C18orf54: variants seen among roughly 807,000 people sequenced by gnomAD.
C18orf54 encodes the protein lung adenoma susceptibility protein 2.
C18orf54 carries 49 observed loss-of-function variants against 49.3 expected under a neutral mutation model. The ratio of observed to expected loss-of-function variants is 0.99; its 90% CI spans 0.79 to 1.26. The LOEUF (loss-of-function observed/expected upper bound fraction) is 1.26, where lower values mean the gene tolerates loss of function less well. Ranked by LOEUF, C18orf54 falls within the 50% of genes most tolerant of loss-of-function variation. C18orf54 has a pLI of 0.00. For missense variants in C18orf54, 687 were observed against 620.6 expected (o/e 1.11, Z -1.14); for synonymous variants, 211 against 216.6 (o/e 0.97, Z 0.23).
In C18orf54 at chr18:54,379,377, G is replaced by A. The variant is rs2144763179; in HGVS notation, c.*1131G>A. 1 of 152,076 alleles carries A rather than the reference G, an allele frequency of 6.6e-6. No individual in the cohort carries two copies. The highest frequency in any genetic ancestry group is 1.9e-4 in the East Asian group (1 of 5,178). 9.4% of individuals were successfully genotyped at this position (152,076 alleles called of 1,614,324 possible). A position where few individuals can be genotyped will look rare whatever the true frequency, so the allele number is the denominator to read the frequency against. On this transcript the variant is annotated 3_prime_UTR_variant, in exon 9 of 9. Coordinates refer to ENST00000620105, the MANE Select transcript of C18orf54 (RefSeq NM_001288980.2). ...CAAATGATAGCGTTTTTCCTCAGTA[G>A]ATTATTGTCAAATAGGAATTTCTAA...
Position 54,380,603 on chromosome 18 carries a change from TAAG to T in C18orf54, c.*2360_*2362del, listed in dbSNP as rs1303648127. On this transcript the variant is annotated 3_prime_UTR_variant, in exon 9 of 9. Coordinates refer to ENST00000620105, the MANE Select transcript of C18orf54 (RefSeq NM_001288980.2). ...GCTTCATAGAGATTTCTGAGCAAAT[TAAG>T]AAACACTGTTTTCCTGGGTTTGTTT... The T allele has an allele frequency of 6.6e-6, 1 of 152,090 alleles. No individual in the cohort carries two copies. Among genetic ancestry groups the T allele is most frequent in the East Asian group, 1.9e-4 (1 of 5,202 alleles). 9.4% of individuals were successfully genotyped at this position (152,090 alleles called of 1,614,324 possible).
At position 54,372,468 on chromosome 18, in the gene C18orf54, C is replaced by A. The variant is rs371851488; in HGVS notation, c.1329C>A (p.Ser443Arg). Reference protein sequence around the residue: ...LEDFLNNDNQSCTLSGGKHHG... With the variant: ...LEDFLNNDNQRCTLSGGKHHG... ...ACTATCATCTGTTTTAACCTTAGAG[C>A]TGTACTCTCTCTGGAGGCAAACATC... The change falls in exon 7 of 9, where the codon AGC becomes AGA. Residue 443 changes from serine (S) to arginine (R), a missense_variant and splice_region_variant. Ser to Arg is a moderately radical substitution (Grantham distance 110). Coordinates refer to ENST00000620105, the MANE Select transcript of C18orf54 (RefSeq NM_001288980.2). 142 of 1,603,042 alleles carry A rather than the reference C, an allele frequency of 8.9e-5. 1 individual carries two copies. Among genetic ancestry groups the A allele is most frequent in the South Asian group, 6.8e-4 (60 of 88,374 alleles).
chr18:54,372,363 A>C (rs1327607221), intron 6 of C18orf54, 103 bp from the exon 7 acceptor site: 2 of 1,098,944 alleles, frequency 1.8e-6, no homozygotes, highest in Non-Finnish European at 2.5e-6. Flanking sequence ...CATTGTTTGG[A>C]GTTTTACATT....
At chr18:54,365,611 T>A in intron 5 of C18orf54, 108 bp from the exon 6 acceptor site, 1 of 571,572 alleles carries the variant, frequency 1.7e-6, no homozygotes, top group African/African-American at 1.9e-5. Flanking sequence ...TGATGATTAT[T>A]TCTTGGTGAC....
intron 3 of C18orf54, among the ~76,000 whole-genome samples, chr18:54,361,155 A>G (rs763240402): frequency 1.3e-5 from 2 of 152,206 alleles, no homozygotes; most frequent in Non-Finnish European, 2.9e-5. Context: ...GAATAGAAAA[A>G]GTTTGTATTC....
intron 3 of C18orf54, among the ~76,000 whole-genome samples, chr18:54,361,378 T>G (rs544133404): frequency 7.2e-5 from 11 of 152,268 alleles, no homozygotes; most frequent in Admixed American, 1.3e-4. Flanking sequence ...GTCTAGATGA[T>G]GAAAGTTGAA....
At position 54,372,500 on chromosome 18, in the gene C18orf54, C is replaced by T; in HGVS notation, c.1361C>T (p.Pro454Leu). 1 of 1,610,304 alleles carries T rather than the reference C, an allele frequency of 6.2e-7. No individual in the cohort carries two copies. The highest frequency in any genetic ancestry group is 8.5e-7 in the Non-Finnish European group (1 of 1,177,672). ...CTCTCTGGAGGCAAACATCATGGTC[C>T]TGTTGAAGCCCTGAAACAAATGTTA... is the stretch of plus-strand genomic sequence containing the variant. Reference protein sequence around the residue: ...CTLSGGKHHGPVEALKQMLFN... With the variant: ...CTLSGGKHHGLVEALKQMLFN... The change falls in exon 7 of 9, where the codon CCT becomes CTT. Residue 454 changes from proline to leucine, a missense_variant. Transcript: ENST00000620105.
chr18:54,369,641 G>A (rs369553302), intron 6 of C18orf54, among the ~76,000 whole-genome samples: 3 of 151,774 alleles, frequency 2.0e-5, no homozygotes, highest in Middle Eastern at 3.4e-3. Context: ...GCTAATTTTT[G>A]TATTTTTAGT....
chr18:54,369,021 G>A (rs917270028), intron 6 of C18orf54, among the ~76,000 whole-genome samples: 6 of 152,100 alleles, frequency 3.9e-5, no homozygotes, highest in African/African-American at 1.4e-4. Context: ...AGGAGCCATG[G>A]TTCTTTGTAT....
chr18:54,376,669 G>A (rs2089576706), intron 8 of C18orf54, among the ~76,000 whole-genome samples: 1 of 152,188 alleles, frequency 6.6e-6, no homozygotes, highest in South Asian at 2.1e-4. Flanking sequence ...CCTCTGATTG[G>A]TTAGTAACTT....
In C18orf54 at chr18:54,362,042, G is replaced by T; in HGVS notation, c.683G>T (p.Ser228Ile). The change falls in exon 4 of 9, where the codon AGT (serine) becomes ATT (isoleucine). Residue 228 changes from serine to isoleucine, a missense_variant. Physicochemically the swap from Ser to Ile is moderately radical, Grantham distance 142 (BLOSUM62 -2). Transcript: ENST00000620105. ...SFPKKSSFKD[S>I]SEHSLEKNYP... ...CCCAAGAAATCGTCTTTCAAGGACA[G>T]TTCAGAACACAGTCTTGAAAAGAAT... is the stretch of plus-strand genomic sequence containing the variant. The T allele has an allele frequency of 1.3e-6, 2 of 1,575,060 alleles. No homozygotes were observed. The highest frequency in any genetic ancestry group is 1.7e-6 in the Non-Finnish European group (2 of 1,160,750).
In C18orf54 at chr18:54,378,856, ACCT is replaced by A. The variant is rs1315411322; in HGVS notation, c.*615_*617del. The A allele has an allele frequency of 6.6e-6, 1 of 152,100 alleles. No individual in the cohort carries two copies. The highest frequency in any genetic ancestry group is 1.5e-5 in the Non-Finnish European group (1 of 67,970). 9.4% of individuals were successfully genotyped at this position (152,100 alleles called of 1,614,324 possible). A position where few individuals can be genotyped will look rare whatever the true frequency, so the allele number is the denominator to read the frequency against. The stretch of plus-strand genomic sequence containing the variant: ...ATGTTGTGTTGTGACATTCAAGAGA[ACCT>A]CCTCATTTAATTAGTACTTTGATTC... On this transcript the variant is annotated 3_prime_UTR_variant, in exon 9 of 9. Transcript: ENST00000620105.
At chr18:54,363,898 T>A (rs1441260722) in intron 5 of C18orf54, 1 of 152,064 alleles carries the variant, frequency 6.6e-6, no homozygotes, top group African/African-American at 2.4e-5. Flanking sequence ...ACGTCTGCCA[T>A]TTTCTTGCTG....
chr18:54,366,328 T>C (rs1416971661), intron 6 of C18orf54, among the ~76,000 whole-genome samples: 1 of 151,966 alleles, frequency 6.6e-6, no homozygotes, highest in Non-Finnish European at 1.5e-5. Context: ...TATTCTACTC[T>C]CTATTTCTAT....
At chr18:54,371,591 A>G (rs1356985558) in intron 6 of C18orf54, among the ~76,000 whole-genome samples, 1 of 152,062 alleles carries the variant, frequency 6.6e-6, no homozygotes. Context: ...TGGCTATAGC[A>G]TTTTACCTTT....
rs762612460 is a variant in C18orf54 at position 54,372,525 on chromosome 18, A to T, written c.1386A>T (p.Leu462Phe). The T allele has an allele frequency of 4.3e-6, 7 of 1,611,334 alleles. No homozygotes were observed. The Admixed American group carries it at 1.2e-4, about 27-fold the overall frequency. ...HGPVEALKQM[L>F]FNLQAVQERF... ...CTGTTGAAGCCCTGAAACAAATGTT[A>T]TTTAACCTTCAAGCAGTACAAGAAC... The change falls in exon 7 of 9, where the codon TTA becomes TTT. Residue 462 changes from leucine to phenylalanine, a missense_variant. Transcript: ENST00000620105.
In C18orf54 at chr18:54,374,214, G is replaced by A; in HGVS notation, c.1459G>A (p.Val487Ile). ...TTATATTTGGTGTTTTTAATAATAGGTTTCAGAAGATGATTTCTCTAAATT... is the reference window on the plus strand; with the variant it reads ...TTATATTTGGTGTTTTTAATAATAGATTTCAGAAGATGATTTCTCTAAATT... ...TTDPKEEIKQ[V>I]SEDDFSKLQL... Residue 487 changes from valine (V) to isoleucine (I), a missense_variant and splice_region_variant, in exon 8 of 9, where the codon GTT becomes ATT. By Grantham distance (29) the Val-to-Ile change is conservative (BLOSUM62 3). Coordinates refer to ENST00000620105, the MANE Select transcript of C18orf54 (RefSeq NM_001288980.2). 2 of 1,569,888 alleles carry A rather than the reference G, an allele frequency of 1.3e-6. No individual in the cohort carries two copies. Among genetic ancestry groups the A allele is most frequent in the Admixed American group, 3.6e-5 (2 of 55,286 alleles).
At position 54,365,719 on chromosome 18, in the gene C18orf54, C is replaced by G; in HGVS notation, c.1224C>G (p.Phe408Leu). The G allele has an allele frequency of 1.9e-6, 3 of 1,571,290 alleles. No individual in the cohort carries two copies. Among genetic ancestry groups the G allele is most frequent in the Non-Finnish European group, 2.6e-6 (3 of 1,149,622 alleles). ...CTTGCATCCTTTAAATCCTGTTTAG[C>G]AAATCTCCTGTTCCCGTTAACTCTG... is the stretch of plus-strand genomic sequence containing the variant. ...DRSWENIPVT[F>L]KSPVPVNSDD... Residue 408 changes from phenylalanine (F) to leucine (L), a missense_variant and splice_region_variant, in exon 6 of 9, where the codon TTC becomes TTG. Physicochemically the swap from Phe to Leu is conservative, Grantham distance 22 (BLOSUM62 0). Coordinates refer to ENST00000620105, the MANE Select transcript of C18orf54 (RefSeq NM_001288980.2).
rs757720727 is a variant in C18orf54, at chr18:54,362,086, A to G, written c.727A>G (p.Ser243Gly). Reference protein sequence around the residue: ...LEKNYPRWLTSQKSDLNVSGI... With the variant: ...LEKNYPRWLTGQKSDLNVSGI... ...AAAGAATTACCCAAGATGGCTCACT[A>G]GCCAGAAATCTGACCTTAATGTTTC... is the stretch of plus-strand genomic sequence containing the variant. Residue 243 changes from serine (S) to glycine (G), a missense_variant, in exon 4 of 9, where the codon AGC becomes GGC. Ser to Gly is a moderately conservative substitution (Grantham distance 56). Coordinates refer to ENST00000620105, the MANE Select transcript of C18orf54 (RefSeq NM_001288980.2). The G allele has an allele frequency of 1.3e-6, 2 of 1,541,994 alleles. No homozygotes were observed. Among genetic ancestry groups the G allele is most frequent in the Non-Finnish European group, 1.7e-6 (2 of 1,147,720 alleles).
Sources: allele counts gnomAD v4.1 joint callset (sites outside exome capture counted in the v4.1 genomes callset), GRCh38; gene constraint gnomAD v4.1.1; transcripts MANE v1.5; gene names NCBI Gene and HGNC (gene_info 2026-07-23, HGNC 2026-07-21).